The following EPHA6 variants were observed in gnomAD, a reference collection of about 807,000 sequenced individuals.
The protein encoded by EPHA6 is ephrin type-A receptor 6.
Under a neutral mutation model 112.0 loss-of-function variants are expected in EPHA6, and 50 were observed. The ratio of observed to expected loss-of-function variants is 0.45; its 90% CI spans 0.36 to 0.56. The LOEUF (loss-of-function observed/expected upper bound fraction) is 0.56. EPHA6 is among the 20% of genes least tolerant of loss of function. The pLI is 0.00. For missense variants in EPHA6, 1,280 were observed against 1,417.4 expected, an observed-to-expected ratio of 0.90 and a Z score of 1.56; for synonymous variants, 529 against 490.7, an observed-to-expected ratio of 1.08 and a Z score of -1.03.
rs528786654 is a variant in EPHA6, at chr3:97,601,267, A to G, written c.2512+8530A>G. Reference sequence around the variant, plus strand: ...TCTGAAAATCTTTCCATGGCTTGCTAAGTTAGCTGAGTCTTCATGTAAATC... The same window carrying G: ...TCTGAAAATCTTTCCATGGCTTGCTGAGTTAGCTGAGTCTTCATGTAAATC... On this transcript the variant is annotated intron_variant, in intron 12 of 17. Coordinates refer to ENST00000389672, the MANE Select transcript of EPHA6 (RefSeq NM_001080448.3). 1.6e-4 allele frequency among the ~76,000 whole-genome samples: 24 copies of G among 152,254 alleles called. No homozygotes were observed. In the South Asian group the frequency reaches 4.6e-3, roughly 29 times the overall value.
chr3:97,472,865 TA>T (rs374830489), intron 7 of EPHA6, among the ~76,000 whole-genome samples: 4 of 151,938 alleles, frequency 2.6e-5, no homozygotes, highest in African/African-American at 7.2e-5. Context: ...AATGGTGGTT[TA>T]AAGTACTGGC....
In EPHA6 at chr3:97,356,590, A is replaced by G. The variant is rs546746028; in HGVS notation, c.1607-48560A>G. On this transcript the variant is annotated intron_variant, in intron 5 of 17. Coordinates refer to ENST00000389672, the MANE Select transcript of EPHA6 (RefSeq NM_001080448.3). ...CTTTAGAGTGTGGTGTTTAATTTCT[A>G]TAAATTTGTGAATTTTCCAGTTTTT... 4.2e-4 allele frequency among the ~76,000 whole-genome samples: 64 copies of G among 152,288 alleles called. 2 individuals carry two copies. The highest frequency in any genetic ancestry group is 3.9e-3 in the Admixed American group (60 of 15,294).
At chr3:96,991,864 T>G (rs1323614993) in intron 3 of EPHA6, among the ~76,000 whole-genome samples, 1 of 151,956 alleles carries the variant, frequency 6.6e-6, no homozygotes, top group African/African-American at 2.4e-5. Flanking sequence ...AATTGGAAAA[T>G]TTTCTCCCAT....
chr3:97,389,964 A>G (rs765848929), intron 5 of EPHA6, among the ~76,000 whole-genome samples: 1 of 152,162 alleles, frequency 6.6e-6, no homozygotes, highest in Non-Finnish European at 1.5e-5. Context: ...CTCTGCATGT[A>G]GTAAGTGATT....
intron 3 of EPHA6, among the ~76,000 whole-genome samples, chr3:97,195,021 A>T (rs1370115340): frequency 1.3e-5 from 2 of 151,780 alleles, no homozygotes; most frequent in Non-Finnish European, 2.9e-5. Context: ...TTTTTAATCC[A>T]TTCAGGCACC....
chr3:97,049,994 T>G (rs775454196), intron 3 of EPHA6, among the ~76,000 whole-genome samples: 7 of 152,192 alleles, frequency 4.6e-5, no homozygotes, highest in Non-Finnish European at 8.8e-5. Flanking sequence ...CTGTTGAAAC[T>G]TCAAAGAAAA....
At chr3:96,880,638 G>A (rs2037256949) in intron 2 of EPHA6, among the ~76,000 whole-genome samples, 1 of 151,994 alleles carries the variant, frequency 6.6e-6, no homozygotes, top group Admixed American at 6.6e-5. Context: ...TCTATTTAGA[G>A]TGAAAATATT....
intron 5 of EPHA6, among the ~76,000 whole-genome samples, chr3:97,378,170 G>A (rs187231038): frequency 3.0e-4 from 45 of 152,216 alleles, no homozygotes; most frequent in East Asian, 1.2e-3. Flanking sequence ...CTGCGTCCCA[G>A]CCCCTTCAGC....
chr3:97,311,369 C>T (rs2081551033), intron 5 of EPHA6, among the ~76,000 whole-genome samples: 1 of 151,100 alleles, frequency 6.6e-6, no homozygotes, highest in African/African-American at 2.4e-5. Flanking sequence ...CTCTGGCTGC[C>T]CTAATCTCTC....
At chr3:97,020,754 C>T (rs1222281272) in intron 3 of EPHA6, among the ~76,000 whole-genome samples, 1 of 152,070 alleles carries the variant, frequency 6.6e-6, no homozygotes, top group Non-Finnish European at 1.5e-5. Flanking sequence ...TATAGACACA[C>T]CTTTAGGTTT....
intron 2 of EPHA6, among the ~76,000 whole-genome samples, chr3:96,927,524 C>G (rs2040100901): frequency 6.6e-6 from 1 of 152,174 alleles, no homozygotes; most frequent in Admixed American, 6.5e-5. Flanking sequence ...CTCTCCAGTT[C>G]AAAGTTCCAC....
intron 3 of EPHA6, among the ~76,000 whole-genome samples, chr3:97,148,365 C>T (rs1433645432): frequency 6.6e-6 from 1 of 151,988 alleles, no homozygotes; most frequent in East Asian, 1.9e-4. Flanking sequence ...CCTAGCCTCT[C>T]AGGAGGCTGA....
chr3:97,597,088 A>G (rs1386175016), intron 12 of EPHA6, among the ~76,000 whole-genome samples: 2 of 151,838 alleles, frequency 1.3e-5, no homozygotes, highest in Non-Finnish European at 2.9e-5. Flanking sequence ...AACAGGCAGC[A>G]TGTGGGACTT....
intron 5 of EPHA6, among the ~76,000 whole-genome samples, chr3:97,349,370 C>A (rs1434828386): frequency 1.3e-5 from 2 of 151,980 alleles, no homozygotes; most frequent in Admixed American, 6.6e-5. Flanking sequence ...TTGACAATTA[C>A]AATCACCCAT....
chr3:96,959,804 A>T (rs2041894566), intron 2 of EPHA6, among the ~76,000 whole-genome samples: 1 of 151,944 alleles, frequency 6.6e-6, no homozygotes, highest in South Asian at 2.1e-4. Context: ...ACATAGAAAA[A>T]GACAAAAAGG....
At chr3:97,143,177 C>T (rs1029914882) in intron 3 of EPHA6, among the ~76,000 whole-genome samples, 14 of 151,728 alleles carry the variant, frequency 9.2e-5, no homozygotes, top group Admixed American at 2.0e-4. Context: ...CACACACACA[C>T]ACACCAAATA....
At chr3:97,050,073 A>G (rs1422219715) in intron 3 of EPHA6, among the ~76,000 whole-genome samples, 1 of 152,196 alleles carries the variant, frequency 6.6e-6, no homozygotes, top group East Asian at 1.9e-4. Context: ...AAGACAAGTT[A>G]AATATTTTCT....
At chr3:96,825,909 T>G (rs972641912) in intron 1 of EPHA6, among the ~76,000 whole-genome samples, 1 of 151,820 alleles carries the variant, frequency 6.6e-6, no homozygotes, top group Non-Finnish European at 1.5e-5. Flanking sequence ...AAAGATATTT[T>G]GGTAAAAATG....
At position 97,760,231 on chromosome 3, in the gene EPHA6, A is replaced by G. The variant is rs1576412881; in HGVS notation, c.*11530A>G. On this transcript the variant is annotated 3_prime_UTR_variant, in exon 18 of 18. Coordinates refer to ENST00000389672, the MANE Select transcript of EPHA6 (RefSeq NM_001080448.3). ...ATATAGGAAAACAATGCCTTCTGTCATTTACGGAAAACACATGGGCAATAT... is the reference window on the plus strand; with the variant it reads ...ATATAGGAAAACAATGCCTTCTGTCGTTTACGGAAAACACATGGGCAATAT... 2.2e-5 allele frequency: 4 copies of G among 178,530 alleles called. No individual in the cohort carries two copies. The South Asian group carries it at 7.9e-4, about 35-fold the overall frequency. The allele number at this position is 178,530 out of a possible 1,614,324, so 11.1% of individuals were successfully genotyped here.
Sources: allele counts gnomAD v4.1 joint callset (sites outside exome capture counted in the v4.1 genomes callset), GRCh38; gene constraint gnomAD v4.1.1; transcripts MANE v1.5; gene names NCBI Gene and HGNC (gene_info 2026-07-23, HGNC 2026-07-21).